Variants in BCAS3 observed in about 807,000 individuals in gnomAD.
BCAS3 encodes the protein BCAS4/BCAS3 fusion.
BCAS3 carries 53 observed loss-of-function variants against 116.1 expected under a neutral mutation model. The observed-to-expected ratio is 0.46, with a 90% CI of 0.37 to 0.57. BCAS3 has a LOEUF of 0.57. Ranked by LOEUF, BCAS3 falls within the 20% of genes least tolerant of loss-of-function variation. The pLI is 0.00. For missense variants in BCAS3, 917 were observed against 1,165.4 expected (o/e 0.79, Z 3.10); for synonymous variants, 391 against 408.2 (o/e 0.96, Z 0.51).
Position 61,156,827 on chromosome 17 carries a change from C to G in BCAS3, c.2425+72263C>G, listed in dbSNP as rs1276420352. Among the ~76,000 whole-genome samples the G allele has an allele frequency of 3.3e-5, 5 of 152,118 alleles. No individual in the cohort carries two copies. The highest frequency in any genetic ancestry group is 7.4e-5 in the Non-Finnish European group (5 of 68,018). ...GTTAATGCCCTGAAGCTGGTACATA[C>G]AGACCACCTCAACGATGGACTCCTT... is the stretch of plus-strand genomic sequence containing the variant. On this transcript the variant is annotated intron_variant, in intron 22 of 23. Coordinates refer to ENST00000407086, the MANE Select transcript of BCAS3 (RefSeq NM_017679.5). This position sits in a 1 kb window ranked among gnomAD's most constrained non-coding sequence, Gnocchi z 4.7.
intron 22 of BCAS3, among the ~76,000 whole-genome samples, chr17:61,319,441 T>G (rs552241270): frequency 1.8e-4 from 28 of 152,250 alleles, no homozygotes; most frequent in Non-Finnish European, 4.0e-4. Context: ...TATCTATTTA[T>G]TCCACTGTCA....
At chr17:60,772,144 A>G (rs1391013306) in intron 6 of BCAS3, among the ~76,000 whole-genome samples, 5 of 152,218 alleles carry the variant, frequency 3.3e-5, no homozygotes, top group African/African-American at 1.2e-4. Flanking sequence ...GTCTTCCACA[A>G]TGGTTGAACT....
rs187055273 is a variant in BCAS3, at chr17:61,322,087, C to A, written c.2426-46240C>A. On this transcript the variant is annotated intron_variant, in intron 22 of 23. Coordinates refer to ENST00000407086, the MANE Select transcript of BCAS3 (RefSeq NM_017679.5). ...TAGCTGGGATTACAGGCATGCACCA[C>A]CACGCCTGGCTACTTTTTGTATTTT... 1.8e-3 allele frequency among the ~76,000 whole-genome samples: 275 copies of A among 152,198 alleles called. 3 individuals carry two copies. Among genetic ancestry groups the A allele is most frequent in the Non-Finnish European group, 1.6e-3 (110 of 68,012 alleles).
Position 61,307,917 on chromosome 17 carries a change from GTA to G in BCAS3, c.2426-60407_2426-60406del, listed in dbSNP as rs150008585. On this transcript the variant is annotated intron_variant, in intron 22 of 23. Coordinates refer to ENST00000407086, the MANE Select transcript of BCAS3 (RefSeq NM_017679.5). This position sits in a 1 kb window ranked among gnomAD's most constrained non-coding sequence, Gnocchi z 4.7. ...AATGTTACGTGAGCAACCCCAAACA[GTA>G]TACACCTTGACAATGTGGAGACTCA... Among the ~76,000 whole-genome samples, 4,566 of 152,246 alleles carry G rather than the reference GTA, an allele frequency of 0.03. 184 individuals are homozygous for G. The highest frequency in any genetic ancestry group is 0.089 in the African/African-American group (3,683 of 41,514).
Position 61,309,395 on chromosome 17 carries a change from C to G in BCAS3, c.2426-58932C>G, listed in dbSNP as rs8067121. Among the ~76,000 whole-genome samples, 1 of 151,696 alleles carries G rather than the reference C, an allele frequency of 6.6e-6. No homozygotes were observed. Among genetic ancestry groups the G allele is most frequent in the Admixed American group, 6.6e-5 (1 of 15,242 alleles). ...AGCATGCCTGAGTACTGAACACTAC[C>G]GTGTCACTCCCCATGTTGCCATTCT... On this transcript the variant is annotated intron_variant, in intron 22 of 23. Transcript: ENST00000407086. The surrounding 1 kb of genome is among the most constrained non-coding windows in gnomAD (Gnocchi z 4.6).
intron 22 of BCAS3, among the ~76,000 whole-genome samples, chr17:61,345,662 C>T (rs973716874): frequency 2.0e-5 from 3 of 151,994 alleles, no homozygotes; most frequent in Admixed American, 6.6e-5. Flanking sequence ...TTTGGCAAAG[C>T]GGAAGTGGCA....
chr17:61,027,978 T>A (rs904399176), intron 16 of BCAS3, among the ~76,000 whole-genome samples: 5 of 151,940 alleles, frequency 3.3e-5, no homozygotes, highest in South Asian at 2.1e-4. Flanking sequence ...TGCGAAGTTT[T>A]GAGAAATGTA....
chr17:61,043,133 G>A (rs1191912165), intron 19 of BCAS3, among the ~76,000 whole-genome samples: 1 of 151,610 alleles, frequency 6.6e-6, no homozygotes, highest in African/African-American at 2.4e-5. Context: ...GGGAGACCGA[G>A]GTAGGCAGAT....
At chr17:61,024,948 C>G (rs550921600) in intron 16 of BCAS3, among the ~76,000 whole-genome samples, 1 of 151,966 alleles carries the variant, frequency 6.6e-6, no homozygotes, top group Non-Finnish European at 1.5e-5. Context: ...TACAATATAA[C>G]GACGTAAGCC....
chr17:60,764,820 T>C (rs1262182221), intron 6 of BCAS3, among the ~76,000 whole-genome samples: 1 of 152,190 alleles, frequency 6.6e-6, no homozygotes, highest in Non-Finnish European at 1.5e-5. Flanking sequence ...ATTATTATTG[T>C]GTGGGAGTCT....
rs187915028 is a variant in BCAS3 at position 61,347,406 on chromosome 17, T to C, written c.2426-20921T>C. 8.5e-5 allele frequency among the ~76,000 whole-genome samples: 13 copies of C among 152,306 alleles called. No individual in the cohort carries two copies. In the East Asian group the frequency reaches 2.5e-3, roughly 29 times the overall value. ...CAGAATCACTCTTCAGATATTTGAA[T>C]AGTGAAATTGTAGCTTTCATATTGT... On this transcript the variant is annotated intron_variant, in intron 22 of 23. Transcript: ENST00000407086. This position sits in a 1 kb window ranked among gnomAD's most constrained non-coding sequence, Gnocchi z 4.3.
intron 12 of BCAS3, among the ~76,000 whole-genome samples, chr17:60,918,969 A>C (rs1184131209): frequency 1.3e-5 from 2 of 152,174 alleles, no homozygotes; most frequent in African/African-American, 4.8e-5. Flanking sequence ...CTGGGATTAC[A>C]GGCGTGAGCC....
intron 4 of BCAS3, among the ~76,000 whole-genome samples, chr17:60,708,281 C>T (rs1393061963): frequency 6.8e-6 from 1 of 147,444 alleles, no homozygotes; most frequent in Non-Finnish European, 1.5e-5. Context: ...GCTATGATGG[C>T]ACCACTGTAC....
At chr17:61,288,743 T>A (rs2052079651) in intron 22 of BCAS3, among the ~76,000 whole-genome samples, 1 of 152,186 alleles carries the variant, frequency 6.6e-6, no homozygotes, top group Non-Finnish European at 1.5e-5. Context: ...AGAAAGAAGC[T>A]ACCACCCCAC....
intron 19 of BCAS3, among the ~76,000 whole-genome samples, chr17:61,066,283 GA>G (rs1460874859): frequency 2.0e-5 from 3 of 152,174 alleles, no homozygotes; most frequent in African/African-American, 2.4e-5. Context: ...GGTAGAACAA[GA>G]AGAACAAAAC....
Position 61,205,568 on chromosome 17 carries a change from T to C in BCAS3, c.2425+121004T>C, listed in dbSNP as rs2081071524. Among the ~76,000 whole-genome samples, 1 of 152,212 alleles carries C rather than the reference T, an allele frequency of 6.6e-6. No homozygotes were observed. Among genetic ancestry groups the C allele is most frequent in the Non-Finnish European group, 1.5e-5 (1 of 68,040 alleles). On this transcript the variant is annotated intron_variant, in intron 22 of 23. Transcript: ENST00000407086. The surrounding 1 kb of genome is among the most constrained non-coding windows in gnomAD (Gnocchi z 5.2). Reference sequence around the variant, plus strand: ...CTCCTCAGCCATAATGTCATTGACCTTGACATACTCAGAACAAATTGGTCT... The same window carrying C: ...CTCCTCAGCCATAATGTCATTGACCCTGACATACTCAGAACAAATTGGTCT...
At chr17:60,803,490 A>C (rs1316481905) in intron 6 of BCAS3, among the ~76,000 whole-genome samples, 1 of 152,126 alleles carries the variant, frequency 6.6e-6, no homozygotes, top group African/African-American at 2.4e-5. Flanking sequence ...TCAGTCATCT[A>C]TTTCCAAAAT....
In BCAS3 at chr17:61,241,994, T is replaced by C. The variant is rs1189459202; in HGVS notation, c.2426-126333T>C. ...TATCCAAGGTAAAGAATCCAAACAT[T>C]GGCTGGGTGTGGTGGCTCACACCTG... On this transcript the variant is annotated intron_variant, in intron 22 of 23. Transcript: ENST00000407086. This position sits in a 1 kb window ranked among gnomAD's most constrained non-coding sequence, Gnocchi z 4.6. 6.6e-6 allele frequency among the ~76,000 whole-genome samples: 1 copy of C among 152,060 alleles called. No homozygotes were observed. Among genetic ancestry groups the C allele is most frequent in the Non-Finnish European group, 1.5e-5 (1 of 67,998 alleles).
chr17:60,987,924 C>T (rs2063252347), intron 14 of BCAS3, among the ~76,000 whole-genome samples: 2 of 152,056 alleles, frequency 1.3e-5, no homozygotes, highest in African/African-American at 2.4e-5. Context: ...GAAAGGCTTT[C>T]TGTTTTTCCC....
Sources: allele counts gnomAD v4.1 joint callset (sites outside exome capture counted in the v4.1 genomes callset), GRCh38; gene constraint gnomAD v4.1.1; non-coding constraint Gnocchi (gnomAD v3.1); transcripts MANE v1.5; gene names NCBI Gene and HGNC (gene_info 2026-07-23, HGNC 2026-07-21).